CRYBA4: variants seen among roughly 807,000 people sequenced by gnomAD.
CRYBA4 encodes crystallin beta A4.
CRYBA4 carries 30 observed loss-of-function variants against 31.7 expected under a neutral mutation model. The ratio of observed to expected loss-of-function variants is 0.95; its 90% confidence interval spans 0.71 to 1.28. CRYBA4 has a LOEUF of 1.28. Among genes scored for constraint, CRYBA4 ranks in the 50% most tolerant of loss-of-function variants. The pLI is 0.00. For missense variants in CRYBA4, 225 were observed against 260.7 expected (o/e 0.86, Z 0.94); for synonymous variants, 102 against 102.3 (o/e 1.00, Z 0.02).
the CRYBA4 span, among the ~76,000 whole-genome samples, chr22:26,597,635 C>T: frequency 6.6e-6 from 1 of 152,162 alleles, no homozygotes; most frequent in Non-Finnish European, 1.5e-5. Context: ...CCCGTTCCAC[C>T]AGGCTGTCTG....
the CRYBA4 span, among the ~76,000 whole-genome samples, chr22:26,598,529 G>A: frequency 2.1e-4 from 32 of 151,984 alleles, no homozygotes; most frequent in African/African-American, 6.0e-4. Context: ...GATTACAGGC[G>A]CACGCCACCA....
upstream of CRYBA4, among the ~76,000 whole-genome samples, chr22:26,618,521 G>A (rs1442831904): frequency 1.3e-5 from 2 of 152,262 alleles, no homozygotes; most frequent in African/African-American, 2.4e-5. Flanking sequence ...AAAGGCAGAT[G>A]TGGGTTTGAT....
At chr22:26,620,345 C>T (rs533031237), upstream of CRYBA4, among the ~76,000 whole-genome samples, 11 of 152,184 alleles carry the variant, frequency 7.2e-5, no homozygotes, top group African/African-American at 2.6e-4. Flanking sequence ...CACATTTATC[C>T]TCACAATCCC....
chr22:26,619,890 T>A (rs1032239280), upstream of CRYBA4, among the ~76,000 whole-genome samples: 3 of 152,198 alleles, frequency 2.0e-5, no homozygotes, highest in African/African-American at 7.2e-5. Context: ...TGGCCCACCA[T>A]GTTGGTGGCT....
At chr22:26,599,372 C>T in the CRYBA4 span, 1 of 946,018 alleles carries the variant, frequency 1.1e-6, no homozygotes, top group Non-Finnish European at 1.6e-6. Context: ...AGGCACACAT[C>T]TGTTTACAGA....
chr22:26,599,571 C>T, the CRYBA4 span: 2 of 1,614,216 alleles, frequency 1.2e-6, no homozygotes, highest in South Asian at 2.2e-5. Flanking sequence ...GCAGGGACTG[C>T]ATCTGTGGCT....
the CRYBA4 span, among the ~76,000 whole-genome samples, chr22:26,598,513 AGCTGGGATTACAGGCGCACGCCACCAT>A: frequency 6.6e-6 from 1 of 151,756 alleles, no homozygotes; most frequent in Non-Finnish European, 1.5e-5. Flanking sequence ...TCTCCCGAAT[AGCTGGGATTACAGGCGCACGCCACCAT>A]GCTGGGTTAA....
chr22:26,626,609 A>G (rs79664640), intron 4 of CRYBA4, among the ~76,000 whole-genome samples: 4,594 of 152,172 alleles, frequency 0.03, 140 homozygotes, highest in African/African-American at 0.075. Flanking sequence ...GATTTTGAAT[A>G]TTTTCCCCAG....
chr22:26,599,386 AG>A, the CRYBA4 span: 1 of 1,132,850 alleles, frequency 8.8e-7, no homozygotes, highest in Non-Finnish European at 1.3e-6. Context: ...TTACAGATCC[AG>A]GAGAAATTTT....
chr22:26,606,825 T>C, the CRYBA4 span, among the ~76,000 whole-genome samples: 1 of 152,202 alleles, frequency 6.6e-6, no homozygotes, highest in Non-Finnish European at 1.5e-5. Context: ...CTAACATTGG[T>C]GAGTAAGATG....
At chr22:26,610,060 C>G in the CRYBA4 span, among the ~76,000 whole-genome samples, 3 of 152,160 alleles carry the variant, frequency 2.0e-5, no homozygotes, top group South Asian at 2.1e-4. Context: ...TGCCCAAGTC[C>G]CCCTAAAATC....
Position 26,630,324 on chromosome 22 carries a change from C to CT in CRYBA4, c.444-12dup. On this transcript the variant is annotated splice_polypyrimidine_tract_variant and intron_variant, in intron 5 of 5. Transcript: ENST00000354760. ...GTGTCTCTGTAGAGTAACTGTCTGC[C>CT]TTTTCTCTTTTCCAGCTGGGTTTGC... 2 of 1,614,054 alleles carry CT rather than the reference C, an allele frequency of 1.2e-6. No individual in the cohort carries two copies. Among genetic ancestry groups the CT allele is most frequent in the Non-Finnish European group, 1.7e-6 (2 of 1,179,948 alleles).
At chr22:26,617,805 C>T (rs995914731), upstream of CRYBA4, among the ~76,000 whole-genome samples, 1 of 151,746 alleles carries the variant, frequency 6.6e-6, no homozygotes, top group Non-Finnish European at 1.5e-5. Flanking sequence ...TCTTTTCTCA[C>T]TCTCTCCCCT....
chr22:26,600,401 CA>C, the CRYBA4 span, among the ~76,000 whole-genome samples: 444 of 139,638 alleles, frequency 3.2e-3, 1 homozygote, highest in African/African-American at 5.8e-3. Flanking sequence ...GACTCCATCT[CA>C]AAAAAAAAAA....
At chr22:26,603,701 C>T in the CRYBA4 span, among the ~76,000 whole-genome samples, 3 of 151,976 alleles carry the variant, frequency 2.0e-5, no homozygotes, top group South Asian at 2.1e-4. Flanking sequence ...GTCAGGAGTT[C>T]GAGACCAGCC....
At chr22:26,623,502 C>T in intron 3 of CRYBA4, 150 bp downstream of exon 3, 1 of 658,054 alleles carries the variant, frequency 1.5e-6, no homozygotes, top group South Asian at 1.8e-5. Flanking sequence ...GCAGGACTGC[C>T]ATGTAAGATT....
chr22:26,599,231 T>C, the CRYBA4 span: 581 of 518,250 alleles, frequency 1.1e-3, 1 homozygote, highest in African/African-American at 9.6e-3. Context: ...CTTGGCCTTA[T>C]TCATTTCTGC....
At chr22:26,614,556 G>T in the CRYBA4 span, among the ~76,000 whole-genome samples, 2 of 152,164 alleles carry the variant, frequency 1.3e-5, no homozygotes, top group Non-Finnish European at 2.9e-5. Flanking sequence ...AGATGGTCAC[G>T]CTCTGAAATA....
At chr22:26,596,287 G>A in the CRYBA4 span, among the ~76,000 whole-genome samples, 1 of 151,770 alleles carries the variant, frequency 6.6e-6, no homozygotes, top group Non-Finnish European at 1.5e-5. Context: ...AATAGAGATG[G>A]GGCTTCACCA....
Sources: allele counts gnomAD v4.1 joint callset (sites outside exome capture counted in the v4.1 genomes callset), GRCh38; gene constraint gnomAD v4.1.1; transcripts MANE v1.5; gene names NCBI Gene and HGNC (gene_info 2026-07-23, HGNC 2026-07-21).